Variants in TCERG1L observed in about 807,000 individuals in gnomAD.
TCERG1L encodes the protein transcription elongation regulator 1-like protein.
In TCERG1L, 37 loss-of-function variants were observed where a neutral mutation model predicts 56.3. That is an observed-to-expected ratio of 0.66 (90% CI 0.51 to 0.87). TCERG1L has a LOEUF of 0.87. Ranked by LOEUF, TCERG1L falls within the 40% of genes least tolerant of loss-of-function variation. TCERG1L has a pLI of 0.00. For missense variants in TCERG1L, 799 were observed against 774.2 expected, an observed-to-expected ratio of 1.03 and a Z score of -0.38; for synonymous variants, 324 against 326.3, an observed-to-expected ratio of 0.99 and a Z score of 0.08.
intron 4 of TCERG1L, among the ~76,000 whole-genome samples, chr10:131,206,816 A>C (rs1474457494): frequency 1.3e-5 from 2 of 152,124 alleles, no homozygotes; most frequent in Non-Finnish European, 2.9e-5. Context: ...GGACAAGATC[A>C]TGAGGAGAGG....
At chr10:131,272,550 C>T (rs1384871428) in intron 3 of TCERG1L, among the ~76,000 whole-genome samples, 1 of 152,132 alleles carries the variant, frequency 6.6e-6, no homozygotes, top group Non-Finnish European at 1.5e-5. Context: ...CCCAAGGGCC[C>T]CCACCATTCT....
intron 4 of TCERG1L, among the ~76,000 whole-genome samples, chr10:131,195,293 T>G (rs532480058): frequency 1.8e-3 from 268 of 152,206 alleles, no homozygotes; most frequent in African/African-American, 6.2e-3. Context: ...CTGTCTTCCT[T>G]TTGCACCTGT....
chr10:131,199,848 T>C lies in TCERG1L; in HGVS notation c.857-32963A>G, dbSNP rs112488038. On this transcript the variant is annotated intron_variant, in intron 4 of 11. Coordinates refer to ENST00000368642, the MANE Select transcript of TCERG1L (RefSeq NM_174937.4). ...TTTGTAGCAGCCACCCCTCGTTCTC[T>C]TTCGCCTTTAAACACCTACTCGGAG... 2.6e-5 allele frequency among the ~76,000 whole-genome samples: 4 copies of C among 152,316 alleles called. 1 individual carries two copies. Among genetic ancestry groups the C allele is most frequent in the East Asian group, 3.9e-4 (2 of 5,182 alleles).
intron 9 of TCERG1L, among the ~76,000 whole-genome samples, chr10:131,107,581 G>T (rs1465242206): frequency 6.6e-6 from 1 of 152,134 alleles, no homozygotes; most frequent in Non-Finnish European, 1.5e-5. Context: ...CCAGGTGGGC[G>T]CAGGACTTCT....
chr10:131,223,587 T>C (rs1845758874), intron 4 of TCERG1L, among the ~76,000 whole-genome samples: 1 of 151,844 alleles, frequency 6.6e-6, no homozygotes, highest in South Asian at 2.1e-4. Flanking sequence ...ACAAAGCACA[T>C]GTGTGCACAC....
intron 9 of TCERG1L, 70 bp from the exon 10 acceptor site, chr10:131,104,424 C>T: frequency 4.9e-6 from 5 of 1,030,436 alleles, no homozygotes; most frequent in Non-Finnish European, 7.3e-6. Context: ...CTGAAATGAT[C>T]CACAGTTAAA....
At chr10:131,168,546 C>T (rs1487755227) in intron 4 of TCERG1L, among the ~76,000 whole-genome samples, 88 of 152,202 alleles carry the variant, frequency 5.8e-4, no homozygotes, top group Non-Finnish European at 7.3e-5. Flanking sequence ...CAGACGTGAG[C>T]CGGAGGCCCC....
intron 4 of TCERG1L, among the ~76,000 whole-genome samples, chr10:131,237,462 A>G (rs1207728399): frequency 6.6e-6 from 1 of 152,210 alleles, no homozygotes; most frequent in East Asian, 1.9e-4. Flanking sequence ...CCTGGGACTC[A>G]GTAGGCATGA....
intron 4 of TCERG1L, among the ~76,000 whole-genome samples, chr10:131,168,562 C>T (rs553308999): frequency 5.3e-5 from 8 of 152,330 alleles, no homozygotes; most frequent in Non-Finnish European, 1.0e-4. Context: ...GCCCCATCCC[C>T]GGAGGTGCTG....
intron 4 of TCERG1L, among the ~76,000 whole-genome samples, chr10:131,248,137 C>T (rs1330322025): frequency 3.3e-5 from 5 of 151,422 alleles, no homozygotes; most frequent in Non-Finnish European, 7.4e-5. Flanking sequence ...CACACACACA[C>T]GACACACACA....
intron 4 of TCERG1L, among the ~76,000 whole-genome samples, chr10:131,193,679 ACT>A (rs1190576121): frequency 1.3e-5 from 2 of 152,002 alleles, no homozygotes; most frequent in Non-Finnish European, 2.9e-5. Context: ...TGGCTTCTGT[ACT>A]CTGTTCCATC....
chr10:131,177,095 C>G (rs1360394870), intron 4 of TCERG1L, among the ~76,000 whole-genome samples: 1 of 151,124 alleles, frequency 6.6e-6, no homozygotes, highest in Non-Finnish European at 1.5e-5. Context: ...TACTCACAGA[C>G]ACATGCACAC....
chr10:131,288,706 C>A (rs1846574035), intron 3 of TCERG1L, among the ~76,000 whole-genome samples: 1 of 152,142 alleles, frequency 6.6e-6, no homozygotes, highest in African/African-American at 2.4e-5. Flanking sequence ...TCCAAAGTGT[C>A]CTTGTAAGAA....
intron 4 of TCERG1L, among the ~76,000 whole-genome samples, chr10:131,177,244 T>TAC (rs1263257001): frequency 7.1e-6 from 1 of 140,274 alleles, no homozygotes; most frequent in South Asian, 2.4e-4. Flanking sequence ...ACATGTACAC[T>TAC]ACACACACAC....
intron 3 of TCERG1L, among the ~76,000 whole-genome samples, chr10:131,282,137 G>GAAAAA (rs543405432): frequency 2.2e-5 from 2 of 92,542 alleles, no homozygotes; most frequent in African/African-American, 8.9e-5. Context: ...CTCCATCTCA[G>GAAAAA]AAAAAAAAAA....
At chr10:131,186,917 A>T (rs764240540) in intron 4 of TCERG1L, among the ~76,000 whole-genome samples, 1 of 152,246 alleles carries the variant, frequency 6.6e-6, no homozygotes, top group Non-Finnish European at 1.5e-5. Flanking sequence ...ATGGAAGGTG[A>T]TATCAATGAA....
chr10:131,239,583 C>T (rs558620237), intron 4 of TCERG1L, among the ~76,000 whole-genome samples: 7 of 152,236 alleles, frequency 4.6e-5, no homozygotes, highest in Non-Finnish European at 8.8e-5. Flanking sequence ...TCAGACGCAT[C>T]GGCCCTCAGA....
intron 4 of TCERG1L, among the ~76,000 whole-genome samples, chr10:131,209,462 G>A (rs1845592110): frequency 6.7e-6 from 1 of 149,284 alleles, no homozygotes; most frequent in South Asian, 2.3e-4. Context: ...TATTTTAAAA[G>A]CATTAGGGAA....
chr10:131,187,935 C>A (rs1168422959), intron 4 of TCERG1L, among the ~76,000 whole-genome samples: 1 of 152,188 alleles, frequency 6.6e-6, no homozygotes, highest in African/African-American at 2.4e-5. Flanking sequence ...TGCTGCTGAG[C>A]CTGTGCCTGA....
Sources: gnomAD v4.1 joint callset for allele counts (sites outside exome capture counted in the v4.1 genomes callset) on GRCh38, gnomAD v4.1.1 for gene constraint, MANE v1.5 for transcripts, NCBI Gene and HGNC (gene_info 2026-07-23, HGNC 2026-07-21) for gene names.